The following NRG1 variants were observed in gnomAD, a reference collection of about 807,000 sequenced individuals.
The protein encoded by NRG1 is pro-neuregulin-1, membrane-bound isoform.
Under a neutral mutation model 63.8 loss-of-function variants are expected in NRG1, and 18 were observed. The ratio of observed to expected loss-of-function variants is 0.28; its 90% CI spans 0.19 to 0.42. The LOEUF is 0.42. Among genes scored for constraint, NRG1 ranks in the 10% least tolerant of loss-of-function variants. NRG1 has a pLI of 1.00. For synonymous variants in NRG1, 302 were observed against 301.3 expected (o/e 1.00, Z -0.02); for missense variants, 762 against 814.7 (o/e 0.94, Z 0.79).
chr8:32,749,369 A>C, intron 7 of NRG1: 1 of 647,460 alleles, frequency 1.5e-6, no homozygotes, highest in Non-Finnish European at 2.8e-6. Flanking sequence ...ATAAAAAGAG[A>C]CGTTCCCTAT....
At chr8:31,934,209 A>G (rs565306688) in intron 1 of NRG1, among the ~76,000 whole-genome samples, 2 of 152,206 alleles carry the variant, frequency 1.3e-5, no homozygotes, top group East Asian at 1.9e-4. Flanking sequence ...AATAAGTTGC[A>G]AAGTTGAAGT....
At chr8:32,303,079 G>A (rs1355836198) in intron 1 of NRG1, among the ~76,000 whole-genome samples, 1 of 149,572 alleles carries the variant, frequency 6.7e-6, no homozygotes, top group Non-Finnish European at 1.5e-5. Flanking sequence ...CTACTCAGAA[G>A]GCTGAGGCAG....
intron 1 of NRG1, among the ~76,000 whole-genome samples, chr8:32,474,704 C>A (rs564497604): frequency 6.6e-6 from 1 of 152,084 alleles, no homozygotes; most frequent in East Asian, 1.9e-4. Flanking sequence ...TGGGGTTTCA[C>A]CATGTTGGCC....
chr8:31,712,334 C>T (rs1811858823), intron 1 of NRG1, among the ~76,000 whole-genome samples: 1 of 135,476 alleles, frequency 7.4e-6, no homozygotes, highest in Admixed American at 8.4e-5. Context: ...GGTGCATTCT[C>T]AGCAGCTCAC....
At chr8:31,925,423 A>G (rs800501) in intron 1 of NRG1, among the ~76,000 whole-genome samples, 130,632 of 151,852 alleles carry the variant, frequency 0.86, 56,878 homozygotes, top group Non-Finnish European at 0.91. Context: ...TATTCAATTC[A>G]TGTAAACCCG....
intron 11 of NRG1, chr8:32,763,228 A>T (rs1249898166): frequency 1.9e-5 from 30 of 1,613,870 alleles, no homozygotes; most frequent in Non-Finnish European, 2.5e-5. Context: ...ACATAACCTT[A>T]TAGCTGAGCT....
chr8:31,647,255 A>G (rs547808894), intron 1 of NRG1, among the ~76,000 whole-genome samples: 1 of 152,360 alleles, frequency 6.6e-6, no homozygotes, highest in African/African-American at 2.4e-5. Flanking sequence ...TTATATCCCT[A>G]AGAAGTAATA....
At chr8:32,679,793 A>C (rs1808125132) in intron 5 of NRG1, among the ~76,000 whole-genome samples, 1 of 152,218 alleles carries the variant, frequency 6.6e-6, no homozygotes, top group African/African-American at 2.4e-5. Context: ...TAATGAGTTC[A>C]GATATTCTTG....
Position 31,980,201 on chromosome 8 carries a change from C to T in NRG1, c.37+340770C>T, listed in dbSNP as rs79082217. Among the ~76,000 whole-genome samples the T allele has an allele frequency of 2.6e-5, 4 of 152,086 alleles. No individual in the cohort carries two copies. The East Asian group carries it at 7.7e-4, about 29-fold the overall frequency. ...AGCTTTAATGAATGAAATGGTTCTG[C>T]TAATTGATGTAAGAAACTACTTACA... On this transcript the variant is annotated intron_variant, in intron 1 of 10. Transcript: ENST00000519301.
At chr8:32,263,207 C>G (rs1850572453) in intron 1 of NRG1, among the ~76,000 whole-genome samples, 1 of 152,136 alleles carries the variant, frequency 6.6e-6, no homozygotes, top group Non-Finnish European at 1.5e-5. Context: ...TATAACATCC[C>G]TATGCTATCC....
chr8:32,013,992 A>ATT (rs1433205712), intron 1 of NRG1, among the ~76,000 whole-genome samples: 8 of 152,166 alleles, frequency 5.3e-5, no homozygotes, highest in African/African-American at 1.9e-4. Flanking sequence ...AGCTGTCATA[A>ATT]TAAAATCAAG....
intron 1 of NRG1, among the ~76,000 whole-genome samples, chr8:31,801,303 CT>C (rs1292095548): frequency 1.3e-5 from 2 of 152,078 alleles, no homozygotes; most frequent in Non-Finnish European, 2.9e-5. Context: ...TGTTTTGTTT[CT>C]ATTGATTTTT....
intron 1 of NRG1, among the ~76,000 whole-genome samples, chr8:32,150,406 T>C (rs1218858781): frequency 6.6e-6 from 1 of 152,204 alleles, no homozygotes; most frequent in African/African-American, 2.4e-5. Flanking sequence ...GATAAGGTCT[T>C]TGGGGAACTG....
At chr8:32,038,528 TG>T (rs201555365) in intron 1 of NRG1, among the ~76,000 whole-genome samples, 2,053 of 152,284 alleles carry the variant, frequency 0.013, 14 homozygotes, top group Middle Eastern at 0.037. Context: ...TAACTGTTTC[TG>T]TTTATTTCTT....
chr8:32,748,358 C>CAGAGAGAGAGAGAGAG (rs34657847), intron 7 of NRG1, among the ~76,000 whole-genome samples: 40 of 121,996 alleles, frequency 3.3e-4, no homozygotes, highest in East Asian at 4.7e-4. Flanking sequence ...CACACACACA[C>CAGAGAGAGAGAGAGAG]AGAGAGAGAG....
At chr8:32,580,309 C>A (rs1840413753) in intron 1 of NRG1, among the ~76,000 whole-genome samples, 1 of 152,126 alleles carries the variant, frequency 6.6e-6, no homozygotes, top group Non-Finnish European at 1.5e-5. Context: ...TCTTTGGGAG[C>A]CATTATTCTG....
chr8:32,537,382 T>C (rs1484290428), intron 1 of NRG1, among the ~76,000 whole-genome samples: 1 of 151,882 alleles, frequency 6.6e-6, no homozygotes, highest in Non-Finnish European at 1.5e-5. Flanking sequence ...CAGACTAGGG[T>C]GACGAAAACT....
intron 1 of NRG1, among the ~76,000 whole-genome samples, chr8:31,950,545 C>T (rs1196703863): frequency 6.6e-6 from 1 of 152,192 alleles, no homozygotes; most frequent in Non-Finnish European, 1.5e-5. Context: ...CAATAAGAGT[C>T]TCCCTCTAGC....
chr8:32,268,926 T>A (rs1285677236), intron 1 of NRG1, among the ~76,000 whole-genome samples: 1 of 152,166 alleles, frequency 6.6e-6, no homozygotes, highest in Middle Eastern at 3.2e-3. Context: ...AGAACAGGGA[T>A]ACATTACCCA....
Sources: allele counts gnomAD v4.1 joint callset (sites outside exome capture counted in the v4.1 genomes callset), GRCh38; gene constraint gnomAD v4.1.1; transcripts MANE v1.5; gene names NCBI Gene and HGNC (gene_info 2026-07-23, HGNC 2026-07-21).